Variants in PCDH7 observed in about 807,000 individuals in gnomAD.
The protein encoded by PCDH7 is protocadherin-7.
PCDH7 carries 17 observed loss-of-function variants against 58.9 expected under a neutral mutation model. The observed-to-expected ratio is 0.29, with a 90% CI of 0.20 to 0.43. The LOEUF is 0.43. PCDH7 is among the 20% of genes least tolerant of loss of function. PCDH7 has a pLI of 1.00. For synonymous variants in PCDH7, 664 were observed against 616.4 expected (o/e 1.08, Z -1.14); for missense variants, 1,274 against 1,441.0 (o/e 0.88, Z 1.88).
At chr4:31,110,104 T>C (rs1267464034) in intron 3 of PCDH7, among the ~76,000 whole-genome samples, 2 of 152,246 alleles carry the variant, frequency 1.3e-5, no homozygotes, top group Non-Finnish European at 1.5e-5. Context: ...CTGAATTGTT[T>C]ATTTCACTTA....
intron 1 of PCDH7, among the ~76,000 whole-genome samples, chr4:30,826,980 C>T (rs1372723261): frequency 1.3e-5 from 2 of 152,064 alleles, no homozygotes; most frequent in African/African-American, 4.8e-5. Context: ...CCCAGTGCTA[C>T]TCTAGATTTT....
chr4:30,748,961 C>G (rs1263532905), intron 1 of PCDH7, among the ~76,000 whole-genome samples: 1 of 152,136 alleles, frequency 6.6e-6, no homozygotes, highest in African/African-American at 2.4e-5. Flanking sequence ...TCTTTCCTCT[C>G]TTACAACTAT....
intron 3 of PCDH7, among the ~76,000 whole-genome samples, chr4:31,096,708 C>T (rs375588539): frequency 1.3e-5 from 2 of 152,040 alleles, no homozygotes; most frequent in Non-Finnish European, 1.5e-5. Context: ...CAAAATACAA[C>T]GTAACTGGGA....
chr4:30,964,175 C>T (rs1460354505), intron 3 of PCDH7, among the ~76,000 whole-genome samples: 1 of 151,910 alleles, frequency 6.6e-6, no homozygotes, highest in East Asian at 1.9e-4. Context: ...CTTTAGTTTG[C>T]TATAGGGGAA....
chr4:30,894,493 AT>A, intron 1 of PCDH7, among the ~76,000 whole-genome samples: 2 of 27,594 alleles, frequency 7.2e-5, no homozygotes, highest in Non-Finnish European at 1.3e-4. Context: ...AAAAAAAAAT[AT>A]ATATATATAT....
At chr4:30,842,298 T>C (rs1390853239) in intron 1 of PCDH7, among the ~76,000 whole-genome samples, 22 of 152,144 alleles carry the variant, frequency 1.4e-4, no homozygotes, top group Non-Finnish European at 8.8e-5. Context: ...TGCATAGAAA[T>C]ACATAACTGG....
intron 3 of PCDH7, among the ~76,000 whole-genome samples, chr4:30,967,328 C>T (rs1283217992): frequency 6.6e-6 from 1 of 152,114 alleles, no homozygotes; most frequent in African/African-American, 2.4e-5. Context: ...TAATAGCTAG[C>T]AATAGATAGC....
intron 1 of PCDH7, among the ~76,000 whole-genome samples, chr4:30,752,632 C>CT (rs35672332): frequency 0.28 from 39,203 of 140,134 alleles, 5,991 homozygotes; most frequent in African/African-American, 0.41. Flanking sequence ...TGGACTCTTA[C>CT]TTTTTTTTTT....
chr4:30,994,169 G>T (rs959381277), intron 3 of PCDH7, among the ~76,000 whole-genome samples: 5 of 152,106 alleles, frequency 3.3e-5, no homozygotes, highest in Non-Finnish European at 7.4e-5. Flanking sequence ...TTCTATCTTT[G>T]TTAAATGTCT....
At chr4:31,105,737 G>A (rs1036336144) in intron 3 of PCDH7, among the ~76,000 whole-genome samples, 1 of 152,166 alleles carries the variant, frequency 6.6e-6, no homozygotes, top group African/African-American at 2.4e-5. Flanking sequence ...GCCAGGCGCA[G>A]TGGCTCACGC....
intron 1 of PCDH7, among the ~76,000 whole-genome samples, chr4:30,780,510 GAAA>G (rs570945808): frequency 2.8e-5 from 3 of 107,156 alleles, no homozygotes; most frequent in East Asian, 2.7e-4. Flanking sequence ...CCGTCGAAAA[GAAA>G]AAAAAAAAAA....
At chr4:30,786,000 C>T (rs1293918730) in intron 1 of PCDH7, among the ~76,000 whole-genome samples, 1 of 151,976 alleles carries the variant, frequency 6.6e-6, no homozygotes, top group Non-Finnish European at 1.5e-5. Context: ...GGCTCAAGTT[C>T]AGAGAAATAT....
At chr4:30,731,173 A>C in exon 2 of PCDH7, 3 of 988,782 alleles carry the variant, frequency 3.0e-6, no homozygotes, top group Non-Finnish European at 3.6e-6. Context: ...TTTGTCTTTA[A>C]TACATTAAAT....
At chr4:31,143,019 T>C (rs36027447), downstream of PCDH7, 777 of 383,630 alleles carry the variant, frequency 2.0e-3, no homozygotes, top group Non-Finnish European at 3.2e-3. Context: ...GTTAGCCTGA[T>C]TCTACTGTAC....
rs1409609749 is a variant in PCDH7 at position 31,039,246 on chromosome 4, T to C, written c.*7+89031T>C. Among the ~76,000 whole-genome samples, 4 of 152,346 alleles carry C rather than the reference T, an allele frequency of 2.6e-5. No individual in the cohort carries two copies. In the East Asian group the frequency reaches 7.7e-4, roughly 29 times the overall value. On this transcript the variant is annotated intron_variant, in intron 3 of 3. Coordinates refer to the PCDH7 transcript ENST00000509759. ...GTGTTAGGATATTTGAATGTCCATC[T>C]CAACTCCTTCTACCATCAGAGGCAA...
intron 1 of PCDH7, among the ~76,000 whole-genome samples, chr4:30,888,277 A>AACAC (rs58655197): frequency 0.17 from 25,967 of 151,794 alleles, 2,275 homozygotes; most frequent in African/African-American, 0.21. Flanking sequence ...AGTCTTATGA[A>AACAC]ACACACACAC....
intron 3 of PCDH7, among the ~76,000 whole-genome samples, chr4:31,028,399 G>A (rs13117081): frequency 0.056 from 8,554 of 152,108 alleles, 464 homozygotes; most frequent in East Asian, 0.3. Flanking sequence ...TACCCAAATT[G>A]TAGTACTTTG....
At chr4:31,056,007 G>A (rs1757136146) in intron 3 of PCDH7, among the ~76,000 whole-genome samples, 1 of 152,154 alleles carries the variant, frequency 6.6e-6, no homozygotes, top group Non-Finnish European at 1.5e-5. Context: ...TTCTAGAACT[G>A]AGTAAATCAG....
At chr4:30,826,901 T>A (rs1458058886) in intron 1 of PCDH7, among the ~76,000 whole-genome samples, 1 of 151,714 alleles carries the variant, frequency 6.6e-6, no homozygotes, top group Non-Finnish European at 1.5e-5. Context: ...AATTTCTGTA[T>A]TTTTTTTGTA....
Sources: allele counts gnomAD v4.1 joint callset (sites outside exome capture counted in the v4.1 genomes callset), GRCh38; gene constraint gnomAD v4.1.1; transcripts MANE v1.5; gene names NCBI Gene and HGNC (gene_info 2026-07-23, HGNC 2026-07-21).